Variants in ABCC1 observed in about 807,000 individuals in gnomAD.
ABCC1 encodes the protein ATP binding cassette subfamily C member 1 (ABCC1 blood group), also known as multidrug resistance-associated protein 1.
ABCC1 carries 83 observed loss-of-function variants against 172.9 expected under a neutral mutation model. The ratio of observed to expected loss-of-function variants is 0.48; its 90% CI spans 0.40 to 0.58. The LOEUF (loss-of-function observed/expected upper bound fraction) is 0.58, where lower values mean the gene tolerates loss of function less well. ABCC1 is among the 20% of genes least tolerant of loss of function. The pLI is 0.00. For missense variants in ABCC1, 1,817 were observed against 2,002.7 expected (o/e 0.91, Z 1.77); for synonymous variants, 937 against 825.2 (o/e 1.14, Z -2.32).
intron 28 of ABCC1, 62 bp from the exon 29 acceptor site, chr16:16,136,416 C>T (rs1885367484): frequency 1.9e-6 from 3 of 1,581,402 alleles, no homozygotes; most frequent in Non-Finnish European, 2.6e-6. Flanking sequence ...CCTTAGGTCG[C>T]CTCCATCCAT....
rs2050514124 is a variant in ABCC1, at chr16:16,075,336, T to C, written c.1913-990T>C. Among the ~76,000 whole-genome samples, 4 of 151,658 alleles carry C rather than the reference T, an allele frequency of 2.6e-5. No homozygotes were observed. In the South Asian group the frequency reaches 6.3e-4, roughly 24 times the overall value. On this transcript the variant is annotated intron_variant, in intron 14 of 30. Transcript: ENST00000399410. Reference sequence around the variant, plus strand: ...AGAGGTGCTAGGAGCTTTAGAAGTGTGGAGCTGGCCGGGCATGGTGTCTCA... The same window carrying C: ...AGAGGTGCTAGGAGCTTTAGAAGTGCGGAGCTGGCCGGGCATGGTGTCTCA...
At chr16:16,073,833 G>A (rs2050447749) in intron 14 of ABCC1, among the ~76,000 whole-genome samples, 1 of 152,230 alleles carries the variant, frequency 6.6e-6, no homozygotes, top group South Asian at 2.1e-4. Flanking sequence ...GGTAGCCCCA[G>A]GATTCAAACC....
chr16:16,105,902 G>A (rs979637853), intron 20 of ABCC1, among the ~76,000 whole-genome samples: 3 of 141,778 alleles, frequency 2.1e-5, no homozygotes, highest in Non-Finnish European at 4.6e-5. Flanking sequence ...TTTGAGACAG[G>A]GTCTTACTCA....
chr16:16,006,018 G>T (rs137857371), intron 1 of ABCC1, among the ~76,000 whole-genome samples: 4 of 151,166 alleles, frequency 2.6e-5, no homozygotes, highest in Admixed American at 2.6e-4. Context: ...AAAATAAAAA[G>T]CCGGAAATCA....
At chr16:16,123,442 C>T (rs897816476) in intron 24 of ABCC1, among the ~76,000 whole-genome samples, 1 of 151,952 alleles carries the variant, frequency 6.6e-6, no homozygotes, top group Admixed American at 6.6e-5. Context: ...CAAGACCAGC[C>T]TGGTCAACAT....
intron 1 of ABCC1, 123 bp from the exon 2 acceptor site, chr16:16,007,693 C>T: frequency 1.1e-6 from 1 of 894,786 alleles, no homozygotes; most frequent in Non-Finnish European, 1.7e-6. Flanking sequence ...CTGAAAGGTC[C>T]TTGGATATAT....
chr16:16,003,932 G>A (rs1316149160), intron 1 of ABCC1, among the ~76,000 whole-genome samples: 2 of 125,648 alleles, frequency 1.6e-5, no homozygotes, highest in South Asian at 2.6e-4. Flanking sequence ...GTAGCTGAAT[G>A]GATGAATTGG....
chr16:15,959,610 G>A (rs1021101500), intron 1 of ABCC1, among the ~76,000 whole-genome samples: 22 of 152,222 alleles, frequency 1.4e-4, no homozygotes, highest in African/African-American at 5.1e-4. Flanking sequence ...ACAGGCGTGA[G>A]CCACCATGCC....
In ABCC1 at chr16:16,131,844, G is replaced by A. The variant is rs368332539; in HGVS notation, c.3875G>A (p.Arg1292Gln). The A allele has an allele frequency of 5.0e-6, 8 of 1,614,058 alleles. No individual in the cohort carries two copies. The African/African-American group carries it at 6.7e-5, about 13-fold the overall frequency. The stretch of plus-strand genomic sequence containing the variant: ...CCCAGCAGCTGGCCCCAGGTGGGCC[G>A]AGTGGAATTCCGGAACTACTGCCTG... ...APPSSWPQVG[R>Q]VEFRNYCLRY... Residue 1292 changes from arginine (R) to glutamine (Q), a missense_variant, in exon 27 of 31, where the codon CGA becomes CAA. Around this residue, in one of 3 missense-constraint regions of ABCC1, gnomAD observed 1,412 missense variants for 1,600.3 expected, o/e 0.88. Transcript: ENST00000399410.
At chr16:15,956,356 C>CT (rs1212991125) in intron 1 of ABCC1, among the ~76,000 whole-genome samples, 1 of 151,016 alleles carries the variant, frequency 6.6e-6, no homozygotes, top group Non-Finnish European at 1.5e-5. Context: ...CAGAGTAAGA[C>CT]TCTGTCTAAA....
intron 7 of ABCC1, among the ~76,000 whole-genome samples, chr16:16,041,795 C>A (rs1003193060): frequency 4.6e-5 from 7 of 152,166 alleles, no homozygotes; most frequent in Admixed American, 4.6e-4. Context: ...ATGAGTGACT[C>A]CTTCTCAAAA....
chr16:16,103,350 C>T (rs1344836521), intron 20 of ABCC1, among the ~76,000 whole-genome samples: 1 of 152,130 alleles, frequency 6.6e-6, no homozygotes, highest in African/African-American at 2.4e-5. Flanking sequence ...GAGGCTGAGG[C>T]GGGCGGATCA....
chr16:16,057,761 A>G (rs905213261), intron 12 of ABCC1, among the ~76,000 whole-genome samples: 9 of 151,886 alleles, frequency 5.9e-5, no homozygotes, highest in Non-Finnish European at 1.2e-4. Flanking sequence ...ATTCTGGTCT[A>G]CTTCATTTTA....
intron 12 of ABCC1, among the ~76,000 whole-genome samples, chr16:16,065,875 T>C (rs2050094202): frequency 6.6e-6 from 1 of 152,250 alleles, no homozygotes; most frequent in Admixed American, 6.5e-5. Context: ...ACCATGCCGA[T>C]CGAAATGTAT....
chr16:16,017,240 C>CT (rs1245868418), intron 5 of ABCC1, among the ~76,000 whole-genome samples: 1 of 151,842 alleles, frequency 6.6e-6, no homozygotes. Context: ...TTCTTTTCTT[C>CT]TTTTTTTTGA....
chr16:16,035,759 C>T (rs533728035), intron 6 of ABCC1, among the ~76,000 whole-genome samples: 58 of 151,852 alleles, frequency 3.8e-4, no homozygotes, highest in African/African-American at 1.1e-3. Context: ...CCTCCCAGAG[C>T]GCTAGGATTA....
chr16:16,128,746 C>T (rs1173737587), intron 26 of ABCC1, among the ~76,000 whole-genome samples: 1 of 152,214 alleles, frequency 6.6e-6, no homozygotes, highest in Admixed American at 6.5e-5. Context: ...CGCCTGCAAT[C>T]CCAGCACTTT....
intron 10 of ABCC1, among the ~76,000 whole-genome samples, chr16:16,049,927 C>G (rs562423392): frequency 6.6e-5 from 10 of 152,034 alleles, no homozygotes; most frequent in Non-Finnish European, 1.5e-4. Flanking sequence ...CTCCTGGCCT[C>G]AGGTGATCTA....
At chr16:16,024,034 C>T (rs1414409038) in intron 5 of ABCC1, among the ~76,000 whole-genome samples, 1 of 152,028 alleles carries the variant, frequency 6.6e-6, no homozygotes, top group Non-Finnish European at 1.5e-5. Flanking sequence ...GCCTGGCCAA[C>T]GTGGTAAAAC....
Sources: allele counts gnomAD v4.1 joint callset (sites outside exome capture counted in the v4.1 genomes callset), GRCh38; gene constraint gnomAD v4.1.1; regional missense constraint gnomAD v4.1.1; transcripts MANE v1.5; gene names NCBI Gene and HGNC (gene_info 2026-07-23, HGNC 2026-07-21).